Variants in UNC13C observed in about 807,000 individuals in gnomAD.
UNC13C encodes the protein protein unc-13 homolog C.
Under a neutral mutation model 245.4 loss-of-function variants are expected in UNC13C, and 174 were observed. The ratio of observed to expected loss-of-function variants is 0.71; its 90% CI spans 0.63 to 0.80. The LOEUF (loss-of-function observed/expected upper bound fraction) is 0.80. UNC13C is among the 30% of genes least tolerant of loss of function. The pLI is 0.00. For missense variants in UNC13C, 2,829 were observed against 2,602.9 expected, an observed-to-expected ratio of 1.09 and a Z score of -1.89; for synonymous variants, 992 against 895.1, an observed-to-expected ratio of 1.11 and a Z score of -1.93.
chr15:53,863,667 A>G, the UNC13C span, among the ~76,000 whole-genome samples: 1 of 152,138 alleles, frequency 6.6e-6, no homozygotes, highest in Non-Finnish European at 1.5e-5. Flanking sequence ...AGCATTTAAT[A>G]CTCCATAGAA....
intron 4 of UNC13C, among the ~76,000 whole-genome samples, chr15:54,232,276 AAAT>A (rs1414027687): frequency 1.3e-5 from 2 of 152,126 alleles, no homozygotes; most frequent in African/African-American, 4.8e-5. Flanking sequence ...CCAAATTATA[AAAT>A]GTAAGTTCAG....
At chr15:54,171,895 A>G (rs1367686203) in intron 4 of UNC13C, among the ~76,000 whole-genome samples, 1 of 152,154 alleles carries the variant, frequency 6.6e-6, no homozygotes, top group Non-Finnish European at 1.5e-5. Context: ...AAAATGTGGT[A>G]TGTATACATA....
chr15:54,454,297 C>G (rs574400360), intron 19 of UNC13C, among the ~76,000 whole-genome samples: 3 of 152,088 alleles, frequency 2.0e-5, no homozygotes, highest in Non-Finnish European at 4.4e-5. Flanking sequence ...AACTCCCTGG[C>G]GGGGTGCAGT....
chr15:54,336,875 A>G (rs1461126544), intron 16 of UNC13C, among the ~76,000 whole-genome samples: 1 of 152,138 alleles, frequency 6.6e-6, no homozygotes, highest in African/African-American at 2.4e-5. Context: ...GTGACCTTAT[A>G]GCAAATCATT....
At chr15:54,246,701 T>A (rs1222488449) in intron 7 of UNC13C, among the ~76,000 whole-genome samples, 1 of 137,322 alleles carries the variant, frequency 7.3e-6, no homozygotes, top group African/African-American at 2.8e-5. Context: ...TAGCAGCTGA[T>A]GAGAACACAT....
chr15:54,039,576 G>T (rs1271764312), intron 2 of UNC13C, among the ~76,000 whole-genome samples: 1 of 151,574 alleles, frequency 6.6e-6, no homozygotes, highest in Non-Finnish European at 1.5e-5. Context: ...GTGTTCCAGG[G>T]CTCAGTTCTT....
chr15:54,509,455 G>A (rs1191952506), intron 23 of UNC13C, among the ~76,000 whole-genome samples: 1 of 151,868 alleles, frequency 6.6e-6, no homozygotes, highest in African/African-American at 2.4e-5. Context: ...GAAACACTTT[G>A]GCCATGTAGA....
intron 2 of UNC13C, chr15:54,044,521 T>C (rs1055361003): frequency 8.6e-6 from 2 of 231,592 alleles, no homozygotes; most frequent in African/African-American, 4.6e-5. Flanking sequence ...CCAAAGTGGC[T>C]GCACAACCTG....
chr15:54,118,533 T>A (rs1409354030), intron 2 of UNC13C, among the ~76,000 whole-genome samples: 1 of 152,164 alleles, frequency 6.6e-6, no homozygotes, highest in African/African-American at 2.4e-5. Context: ...GTTTATCCCT[T>A]CTTATAATTT....
intron 2 of UNC13C, among the ~76,000 whole-genome samples, chr15:54,122,644 T>A (rs893580222): frequency 1.3e-5 from 2 of 152,066 alleles, no homozygotes; most frequent in African/African-American, 4.8e-5. Flanking sequence ...CAATTATCTT[T>A]GCTGTGAAGG....
chr15:54,344,991 C>T (rs1244219429), intron 17 of UNC13C, among the ~76,000 whole-genome samples: 2 of 152,126 alleles, frequency 1.3e-5, no homozygotes, highest in African/African-American at 4.8e-5. Flanking sequence ...TATCACTCTT[C>T]TGCATAGAAT....
intron 24 of UNC13C, among the ~76,000 whole-genome samples, chr15:54,523,505 G>T (rs1278501020): frequency 6.6e-6 from 1 of 152,098 alleles, no homozygotes; most frequent in East Asian, 1.9e-4. Flanking sequence ...GCTGTAGTCT[G>T]GCAGTTTTAG....
chr15:54,565,007 G>C (rs1387235764), intron 29 of UNC13C, among the ~76,000 whole-genome samples: 1 of 151,946 alleles, frequency 6.6e-6, no homozygotes, highest in African/African-American at 2.4e-5. Flanking sequence ...TGGTGGGATT[G>C]TCCTCTGTCT....
intron 4 of UNC13C, among the ~76,000 whole-genome samples, chr15:54,217,473 C>G (rs1567106967): frequency 1.3e-5 from 2 of 151,940 alleles, no homozygotes. Context: ...ACTCTCTATG[C>G]AGATAGGTAC....
At chr15:54,043,937 A>G (rs555119554) in intron 2 of UNC13C, among the ~76,000 whole-genome samples, 114 of 152,330 alleles carry the variant, frequency 7.5e-4, no homozygotes, top group African/African-American at 2.6e-3. Flanking sequence ...AATTTACGTA[A>G]TATAAAATCC....
chr15:54,153,739 C>A (rs1303543955), intron 4 of UNC13C, among the ~76,000 whole-genome samples: 10 of 151,856 alleles, frequency 6.6e-5, no homozygotes, highest in Admixed American at 2.6e-4. Flanking sequence ...TTCTAGATTT[C>A]AAAAGTATAT....
chr15:54,443,809 C>T (rs1188135104), intron 19 of UNC13C, among the ~76,000 whole-genome samples: 2 of 151,366 alleles, frequency 1.3e-5, no homozygotes, highest in Non-Finnish European at 3.0e-5. Context: ...TTGAGACTTG[C>T]GTTGCAGCTT....
chr15:54,132,255 A>G (rs1404561623), intron 2 of UNC13C, among the ~76,000 whole-genome samples: 3 of 151,772 alleles, frequency 2.0e-5, no homozygotes, highest in Non-Finnish European at 2.9e-5. Context: ...TATTTTTAGT[A>G]GAGATGGGGT....
In UNC13C at chr15:54,080,006, G is replaced by GTTTTTTTTTTTTT. The variant is rs3985784; in HGVS notation, c.2984-63009_2984-62997dup. ...CCTTCAAGGCCTGGTTTGTCGAGCG[G>GTTTTTTTTTTTTT]TTTTTTTTTTTTTTTATCATAAAGT... On this transcript the variant is annotated intron_variant, in intron 2 of 32. Transcript: ENST00000260323. Among the ~76,000 whole-genome samples, 92 of 129,872 alleles carry GTTTTTTTTTTTTT rather than the reference G, an allele frequency of 7.1e-4. 7 individuals are homozygous for GTTTTTTTTTTTTT. The highest frequency in any genetic ancestry group is 1.1e-3 in the Non-Finnish European group (65 of 59,278). 85.2% of individuals were successfully genotyped at this position (129,872 alleles called of 152,430 possible).
Sources: allele counts gnomAD v4.1 joint callset (sites outside exome capture counted in the v4.1 genomes callset), GRCh38; gene constraint gnomAD v4.1.1; transcripts MANE v1.5; gene names NCBI Gene and HGNC (gene_info 2026-07-23, HGNC 2026-07-21).